CYP4X1: variants seen among roughly 807,000 people sequenced by gnomAD.
CYP4X1 encodes cytochrome P450 family 4 subfamily X member 1.
A neutral mutation model predicts 57.9 loss-of-function variants in CYP4X1; 44 were observed. That is an observed-to-expected ratio of 0.76 (90% CI 0.60 to 0.98). The LOEUF (loss-of-function observed/expected upper bound fraction) is 0.98. Among genes scored for constraint, CYP4X1 ranks in the 50% least tolerant of loss-of-function variants. The pLI, the probability that CYP4X1 is intolerant of heterozygous loss-of-function variation, is 0.00. For synonymous variants in CYP4X1, 227 were observed against 228.6 expected (o/e 0.99, Z 0.06); for missense variants, 532 against 623.9 (o/e 0.85, Z 1.57).
chr1:46,976,169 G>T, the CYP4X1 span, among the ~76,000 whole-genome samples: 1 of 152,134 alleles, frequency 6.6e-6, no homozygotes, highest in Non-Finnish European at 1.5e-5. Flanking sequence ...AAGTGCAAGG[G>T]GTCTGGGGAT....
In CYP4X1 at chr1:47,050,162, C is replaced by G. The variant is rs949736312; in HGVS notation, c.1518C>G (p.Leu506=). 6.2e-7 allele frequency: 1 copy of G among 1,613,856 alleles called. No individual in the cohort carries two copies. Among genetic ancestry groups the G allele is most frequent in the Non-Finnish European group, 8.5e-7 (1 of 1,179,930 alleles). Residue 506 remains leucine, a synonymous_variant, in exon 12 of 12, where the codon CTC becomes CTG. Coordinates refer to ENST00000371901, the MANE Select transcript of CYP4X1 (RefSeq NM_178033.2). ...GGATGTATTTGCACCTGAAGAAACT[C>G]TCTGAATGTTAGATCTCAGGGTACA... ...KNGMYLHLKK[L]SEC
chr1:46,973,846 A>G, the CYP4X1 span, among the ~76,000 whole-genome samples: 166 of 152,120 alleles, frequency 1.1e-3, no homozygotes, highest in African/African-American at 3.8e-3. Flanking sequence ...TGGTCAGTCA[A>G]TCTTATAAAT....
chr1:46,980,561 A>G, the CYP4X1 span, among the ~76,000 whole-genome samples: 7 of 152,194 alleles, frequency 4.6e-5, no homozygotes, highest in African/African-American at 1.7e-4. Flanking sequence ...CCCAAGGTGT[A>G]ATTTATAGAT....
the CYP4X1 span, chr1:46,961,763 A>G: frequency 7.6e-7 from 1 of 1,311,222 alleles, no homozygotes; most frequent in South Asian, 1.2e-5. Flanking sequence ...ATTGGTGAGT[A>G]AGCACCTGCC....
upstream of CYP4X1, among the ~76,000 whole-genome samples, chr1:47,019,245 C>A (rs960592747): frequency 1.3e-5 from 2 of 152,128 alleles, no homozygotes; most frequent in African/African-American, 4.8e-5. Flanking sequence ...CCAGGTGCTG[C>A]GGTGATTACC....
chr1:47,049,995 T>C lies in CYP4X1; in HGVS notation c.1356-5T>C. 2 of 1,612,260 alleles carry C rather than the reference T, an allele frequency of 1.2e-6. No individual in the cohort carries two copies. Among genetic ancestry groups the C allele is most frequent in the Non-Finnish European group, 1.7e-6 (2 of 1,179,498 alleles). On this transcript the variant is annotated splice_region_variant and splice_polypyrimidine_tract_variant and intron_variant, in intron 11 of 11. Coordinates refer to ENST00000371901, the MANE Select transcript of CYP4X1 (RefSeq NM_178033.2). ...AGTATCACTTTCTTTCCCTCTTGTC[T>C]TCAGGAACTGCATTGGGCAGGAGTT...
intron 11 of CYP4X1, 109 bp from the exon 12 acceptor site, chr1:47,049,891 G>GA (rs11448645): frequency 0.38 from 448,425 of 1,165,122 alleles, 98,845 homozygotes; most frequent in East Asian, 0.98. Context: ...GCATTTGGTG[G>GA]AAAAATATCA....
the CYP4X1 span, among the ~76,000 whole-genome samples, chr1:47,008,724 G>A: frequency 2.0e-5 from 3 of 152,154 alleles, no homozygotes; most frequent in African/African-American, 7.2e-5. Context: ...AAGGGATGGA[G>A]GAAGATCTAC....
the CYP4X1 span, among the ~76,000 whole-genome samples, chr1:47,010,497 G>C: frequency 6.6e-6 from 1 of 152,152 alleles, no homozygotes; most frequent in Non-Finnish European, 1.5e-5. Context: ...TTGAAAACTG[G>C]CACAAGACAG....
the CYP4X1 span, among the ~76,000 whole-genome samples, chr1:46,993,028 C>T: frequency 7.9e-5 from 12 of 151,890 alleles, no homozygotes; most frequent in African/African-American, 2.7e-4. Flanking sequence ...GTGTGCTGCA[C>T]CCATTAACTC....
At chr1:47,014,611 A>T in the CYP4X1 span, among the ~76,000 whole-genome samples, 1 of 152,208 alleles carries the variant, frequency 6.6e-6, no homozygotes, top group Non-Finnish European at 1.5e-5. Context: ...CCATGATATG[A>T]ATTCCAATAA....
the CYP4X1 span, among the ~76,000 whole-genome samples, chr1:46,986,285 T>A: frequency 6.6e-6 from 1 of 151,858 alleles, no homozygotes. Flanking sequence ...TGAAGATCAA[T>A]CTCTTAAAAA....
chr1:47,031,557 C>G, intron 3 of CYP4X1, 77 bp downstream of exon 3: 1 of 1,509,184 alleles, frequency 6.6e-7, no homozygotes, highest in Admixed American at 1.8e-5. Context: ...GCCAAAGAAA[C>G]TGAAATCTGA....
the CYP4X1 span, among the ~76,000 whole-genome samples, chr1:46,987,436 G>C: frequency 6.6e-6 from 1 of 152,112 alleles, no homozygotes; most frequent in Non-Finnish European, 1.5e-5. Context: ...ATAATAGTGA[G>C]AGACTTTAAC....
In CYP4X1 at chr1:47,033,707, G is replaced by A. The variant is rs144620000; in HGVS notation, c.492+339G>A. Among the ~76,000 whole-genome samples, 561 of 152,268 alleles carry A rather than the reference G, an allele frequency of 3.7e-3. 8 individuals are homozygous for A. The highest frequency in any genetic ancestry group is 0.013 in the African/African-American group (532 of 41,546). On this transcript the variant is annotated intron_variant, in intron 4 of 11. Coordinates refer to ENST00000371901, the MANE Select transcript of CYP4X1 (RefSeq NM_178033.2). The stretch of plus-strand genomic sequence containing the variant: ...CTACCCCAAAGTCTGAGGAAACTGA[G>A]AGGCTGAAGAAAAAGGCTGACAGTT...
chr1:46,992,519 G>A, the CYP4X1 span, among the ~76,000 whole-genome samples: 2 of 152,094 alleles, frequency 1.3e-5, no homozygotes, highest in African/African-American at 4.8e-5. Flanking sequence ...GTCTTTTTAT[G>A]TCTGGCTATT....
intron 3 of CYP4X1, among the ~76,000 whole-genome samples, chr1:47,032,060 A>C (rs1390501196): frequency 6.6e-6 from 1 of 151,978 alleles, no homozygotes; most frequent in Non-Finnish European, 1.5e-5. Context: ...CAACAACAAA[A>C]AAAAAACTAC....
chr1:46,967,410 A>G, the CYP4X1 span, among the ~76,000 whole-genome samples: 2 of 152,214 alleles, frequency 1.3e-5, no homozygotes, highest in Admixed American at 6.5e-5. Context: ...TAAGAAAGAA[A>G]TGGGGGCAGA....
At chr1:47,029,088 G>C (rs899679591) in intron 1 of CYP4X1, among the ~76,000 whole-genome samples, 3 of 152,212 alleles carry the variant, frequency 2.0e-5, no homozygotes, top group Non-Finnish European at 2.9e-5. Flanking sequence ...GAGGATGAGA[G>C]CAAACAATCC....
Sources: gnomAD v4.1 joint callset for allele counts (sites outside exome capture counted in the v4.1 genomes callset) on GRCh38, gnomAD v4.1.1 for gene constraint, MANE v1.5 for transcripts, NCBI Gene and HGNC (gene_info 2026-07-23, HGNC 2026-07-21) for gene names.